Variants in TP53BP1 observed in about 807,000 individuals in gnomAD.
TP53BP1 encodes TP53-binding protein 1.
TP53BP1 carries 61 observed loss-of-function variants against 200.8 expected under a neutral mutation model. The ratio of observed to expected loss-of-function variants is 0.30; its 90% CI spans 0.25 to 0.38. The LOEUF (loss-of-function observed/expected upper bound fraction) is 0.38. Among genes scored for constraint, TP53BP1 ranks in the 10% least tolerant of loss-of-function variants. The pLI, the probability that TP53BP1 is intolerant of heterozygous loss-of-function variation, is 1.00. For missense variants in TP53BP1, 2,144 were observed against 2,371.9 expected, an observed-to-expected ratio of 0.90 and a Z score of 2.00; for synonymous variants, 822 against 844.3, an observed-to-expected ratio of 0.97 and a Z score of 0.46.
chr15:43,501,812 A>G (rs762021727), intron 1 of TP53BP1, among the ~76,000 whole-genome samples: 11 of 152,226 alleles, frequency 7.2e-5, no homozygotes, highest in Non-Finnish European at 8.8e-5. Flanking sequence ...GCAACATTCA[A>G]TTGTATGCAA....
Position 43,403,477 on chromosome 15 carries a change from G to A in TP53BP1, c.*3906C>T, listed in dbSNP as rs926849182. ...GTGCAGGGCTAAGAGAGTAATACTCGCTTAGCCAGGAAAGGATGCATTTGT... is the reference window on the plus strand; with the variant it reads ...GTGCAGGGCTAAGAGAGTAATACTCACTTAGCCAGGAAAGGATGCATTTGT... On this transcript the variant is annotated 3_prime_UTR_variant, in exon 28 of 28. Coordinates refer to ENST00000382044, the MANE Select transcript of TP53BP1 (RefSeq NM_001141980.3). The A allele has an allele frequency of 2.1e-5, 11 of 514,218 alleles. 1 individual carries two copies. Among genetic ancestry groups the A allele is most frequent in the Middle Eastern group, 5.2e-4 (1 of 1,930 alleles). 31.9% of individuals were successfully genotyped at this position (514,218 alleles called of 1,614,324 possible).
chr15:43,504,297 C>A (rs191469757), intron 1 of TP53BP1, among the ~76,000 whole-genome samples: 34 of 152,186 alleles, frequency 2.2e-4, no homozygotes, highest in African/African-American at 8.2e-4. Context: ...ATAAATGTGA[C>A]CCACCGTGCC....
At chr15:43,427,919 T>A in intron 18 of TP53BP1, 97 bp downstream of exon 18, 1 of 855,238 alleles carries the variant, frequency 1.2e-6, no homozygotes. Context: ...ATCACGCAAC[T>A]GCATTCCAGC....
intron 15 of TP53BP1, among the ~76,000 whole-genome samples, chr15:43,439,974 G>A (rs964783191): frequency 6.6e-6 from 1 of 152,050 alleles, no homozygotes; most frequent in South Asian, 2.1e-4. Flanking sequence ...AGGACTCTAC[G>A]GTACTTATGT....
intron 1 of TP53BP1, among the ~76,000 whole-genome samples, chr15:43,509,188 CGG>C (rs11433386): frequency 6.5e-3 from 10 of 1,538 alleles, no homozygotes; most frequent in African/African-American, 6.2e-3. Context: ...GATCCACAAA[CGG>C]GGGGGGGGGG....
In TP53BP1 at chr15:43,469,965, G is replaced by T. The variant is rs2046684525; in HGVS notation, c.1282C>A (p.Leu428Met). ...TGTGGTGATACAGTGGACTCAGGCA[G>T]GAGAGGGGGGTTTTCTAACTCCACT... ...EPVELENPPL[L>M]PESTVSPQAS... Residue 428 changes from leucine to methionine, a missense_variant, in exon 11 of 28, where the codon CTG (leucine) becomes ATG (methionine). Physicochemically the swap from Leu to Met is conservative, Grantham distance 15 (BLOSUM62 2). Coordinates refer to ENST00000382044, the MANE Select transcript of TP53BP1 (RefSeq NM_001141980.3). 1 of 1,614,044 alleles carries T rather than the reference G, an allele frequency of 6.2e-7. No individual in the cohort carries two copies. Among genetic ancestry groups the T allele is most frequent in the Non-Finnish European group, 8.5e-7 (1 of 1,180,024 alleles).
intron 4 of TP53BP1, among the ~76,000 whole-genome samples, chr15:43,486,558 T>C (rs950768583): frequency 1.3e-5 from 2 of 152,188 alleles, no homozygotes; most frequent in African/African-American, 4.8e-5. Context: ...GAGAGTTGCC[T>C]TTGTGAAAAG....
At chr15:43,478,976 T>A (rs539670455) in intron 7 of TP53BP1, among the ~76,000 whole-genome samples, 27 of 152,282 alleles carry the variant, frequency 1.8e-4, no homozygotes, top group African/African-American at 6.5e-4. Context: ...TTTGGGAAGC[T>A]GAGGCAGGAG....
intron 8 of TP53BP1, among the ~76,000 whole-genome samples, chr15:43,476,337 G>A (rs2078881005): frequency 1.3e-5 from 2 of 152,202 alleles, no homozygotes; most frequent in Non-Finnish European, 1.5e-5. Flanking sequence ...TCTTTCTTGT[G>A]ATGCTTCTAT....
rs1008136446 is a variant in TP53BP1 at position 43,444,849 on chromosome 15, C to T, written c.3040+1538G>A. On this transcript the variant is annotated intron_variant, in intron 14 of 27. Transcript: ENST00000382044. ...CAGGGCCTTAATTCATCAACTGTTT[C>T]CCCCAATTCCCTCGTCTTTAATCTA... is the stretch of plus-strand genomic sequence containing the variant. Among the ~76,000 whole-genome samples, 13 of 152,282 alleles carry T rather than the reference C, an allele frequency of 8.5e-5. No homozygotes were observed. The East Asian group carries it at 2.3e-3, about 27-fold the overall frequency.
chr15:43,404,631 AAGACT>A lies in TP53BP1; in HGVS notation c.*2747_*2751del, dbSNP rs1254484591. On this transcript the variant is annotated 3_prime_UTR_variant, in exon 28 of 28. Transcript: ENST00000382044. ...AGTTGTAGAATTCTAGAACTGGAAG[AAGACT>A]TTAGTCCAAATACCCTCATTTTATA... 6 of 1,491,530 alleles carry A rather than the reference AAGACT, an allele frequency of 4.0e-6. No individual in the cohort carries two copies. Among genetic ancestry groups the A allele is most frequent in the Non-Finnish European group, 5.5e-6 (6 of 1,089,890 alleles). 92.4% of individuals were successfully genotyped at this position (1,491,530 alleles called of 1,614,324 possible).
chr15:43,456,748 A>T lies in TP53BP1; in HGVS notation c.1860T>A (p.Val620=). 6.2e-7 allele frequency: 1 copy of T among 1,614,108 alleles called. No homozygotes were observed. The highest frequency in any genetic ancestry group is 8.5e-7 in the Non-Finnish European group (1 of 1,180,034). ...KGREETVAED[V]CIDLTCDSGS... Reference sequence around the variant, plus strand: ...CCGAATCACAAGTGAGATCAATACAAACATCTTCTGCTACCGTTTCTTCTC... The same window carrying T: ...CCGAATCACAAGTGAGATCAATACATACATCTTCTGCTACCGTTTCTTCTC... The change falls in exon 12 of 28, where the codon GTT becomes GTA. Residue 620 remains valine, a synonymous_variant. Transcript: ENST00000382044.
At chr15:43,465,380 T>C (rs1438623638) in intron 11 of TP53BP1, among the ~76,000 whole-genome samples, 2 of 152,118 alleles carry the variant, frequency 1.3e-5, no homozygotes, top group Admixed American at 1.3e-4. Context: ...GTAAACTGAA[T>C]GGTATGTGAA....
intron 15 of TP53BP1, 123 bp downstream of exon 15, chr15:43,441,403 T>A (rs1359057656): frequency 1.4e-6 from 1 of 730,398 alleles, no homozygotes; most frequent in African/African-American, 1.7e-5. Context: ...CATTGCTAAA[T>A]CCTTTATGAA....
chr15:43,403,157 A>G lies in TP53BP1; in HGVS notation c.*4226T>C, dbSNP rs2044726735. 1 of 152,216 alleles carries G rather than the reference A, an allele frequency of 6.6e-6. No homozygotes were observed. The highest frequency in any genetic ancestry group is 6.5e-5 in the Admixed American group (1 of 15,280). The allele number at this position is 152,216 out of a possible 1,614,324, so 9.4% of individuals were successfully genotyped here. A position where few individuals can be genotyped will look rare whatever the true frequency, so the allele number is the denominator to read the frequency against. On this transcript the variant is annotated 3_prime_UTR_variant, in exon 28 of 28. Coordinates refer to ENST00000382044, the MANE Select transcript of TP53BP1 (RefSeq NM_001141980.3). ...TGGCTCTGCCCTTAAGGAGCTCACA[A>G]TCTAGTTGGAAAAACAAGACATATA...
In TP53BP1 at chr15:43,456,297, G is replaced by A. The variant is rs1395757472; in HGVS notation, c.2311C>T (p.Pro771Ser). The change falls in exon 12 of 28, where the codon CCC (proline) becomes TCC (serine). Residue 771 changes from proline to serine, a missense_variant. Transcript: ENST00000382044. ...VVIVDVKEPS[P>S]RVDVSCEPLE... Reference sequence around the variant, plus strand: ...GGTTCACAAGAAACATCAACTCTGGGAGATGGCTCTTTCACATCTACAATG... The same window carrying A: ...GGTTCACAAGAAACATCAACTCTGGAAGATGGCTCTTTCACATCTACAATG... 6.2e-7 allele frequency: 1 copy of A among 1,613,990 alleles called. No homozygotes were observed. The highest frequency in any genetic ancestry group is 8.5e-7 in the Non-Finnish European group (1 of 1,180,048).
At chr15:43,454,506 G>A (rs537134883) in intron 12 of TP53BP1, among the ~76,000 whole-genome samples, 80 of 151,638 alleles carry the variant, frequency 5.3e-4, no homozygotes, top group African/African-American at 1.9e-3. Flanking sequence ...TGGGATTATA[G>A]GCGCCTGCCA....
chr15:43,475,609 C>A lies in TP53BP1; in HGVS notation c.1041G>T (p.Leu347=). ...CAAGGGACCTCTGACCAGAGAGCTG[C>A]AGGAGATGCAGAGTGGTGGCAGGAG... ...ASTPATTLHL[L]QLSGQRSLVQ... The change falls in exon 9 of 28, where the codon CTG becomes CTT. Residue 347 remains leucine (L), a synonymous_variant. Transcript: ENST00000382044. 6.2e-7 allele frequency: 1 copy of A among 1,614,084 alleles called. No individual in the cohort carries two copies. The highest frequency in any genetic ancestry group is 1.7e-4 in the Middle Eastern group (1 of 6,000).
At chr15:43,477,841 T>C in intron 7 of TP53BP1, 82 bp from the exon 8 acceptor site, 1 of 1,176,650 alleles carries the variant, frequency 8.5e-7, no homozygotes, top group Non-Finnish European at 1.2e-6. Flanking sequence ...TTTGTGTGTT[T>C]TTCTTTAATA....
Sources: allele counts gnomAD v4.1 joint callset (sites outside exome capture counted in the v4.1 genomes callset), GRCh38; gene constraint gnomAD v4.1.1; transcripts MANE v1.5; gene names NCBI Gene and HGNC (gene_info 2026-07-23, HGNC 2026-07-21).